Variants in SEMA5B observed in about 807,000 individuals in gnomAD.
The protein encoded by SEMA5B is semaphorin-5B.
SEMA5B carries 66 observed loss-of-function variants against 135.0 expected under a neutral mutation model. The ratio of observed to expected loss-of-function variants is 0.49; its 90% CI spans 0.40 to 0.60. SEMA5B has a LOEUF of 0.60. Among genes scored for constraint, SEMA5B ranks in the 20% least tolerant of loss-of-function variants. SEMA5B has a pLI of 0.00. For synonymous variants in SEMA5B, 690 were observed against 639.5 expected (o/e 1.08, Z -1.19); for missense variants, 1,501 against 1,566.3 (o/e 0.96, Z 0.70).
intron 1 of SEMA5B, among the ~76,000 whole-genome samples, chr3:122,983,155 C>T (rs1941578123): frequency 6.6e-6 from 1 of 152,152 alleles, no homozygotes; most frequent in African/African-American, 2.4e-5. Context: ...GGGCATGTGG[C>T]CAGTCAATTT....
At chr3:122,943,562 G>GT in intron 3 of SEMA5B, 27 bp from the exon 4 acceptor site, 1 of 1,520,630 alleles carries the variant, frequency 6.6e-7, no homozygotes, top group Non-Finnish European at 9.0e-7. Context: ...CAACCCTGTG[G>GT]TTACTGTTGG....
At chr3:122,994,795 A>G (rs1941986987) in intron 1 of SEMA5B, among the ~76,000 whole-genome samples, 1 of 152,212 alleles carries the variant, frequency 6.6e-6, no homozygotes, top group African/African-American at 2.4e-5. Flanking sequence ...GGGAATATTA[A>G]TATCTACTTC....
chr3:122,940,923 C>T (rs1939529699), intron 4 of SEMA5B, among the ~76,000 whole-genome samples: 1 of 152,212 alleles, frequency 6.6e-6, no homozygotes, highest in Non-Finnish European at 1.5e-5. Context: ...CATCTGCTCA[C>T]AGCTTTAACA....
Position 122,927,868 on chromosome 3 carries a change from G to C in SEMA5B, c.772C>G (p.Arg258Gly). Residue 258 changes from arginine (R) to glycine (G), a missense_variant, in exon 8 of 23, where the codon CGG (arginine) becomes GGG (glycine). Transcript: ENST00000357599. ...AGGCTGCGGTAGATGGCAGGGTCCCGACCTGAGAAGTCGATGACCGTGGCT... is the reference window on the plus strand; with the variant it reads ...AGGCTGCGGTAGATGGCAGGGTCCCCACCTGAGAAGTCGATGACCGTGGCT... ...YAATVIDFSG[R>G]DPAIYRSLGS... is the part of the protein sequence containing the mutation. 6.3e-7 allele frequency: 1 copy of C among 1,594,108 alleles called. No individual in the cohort carries two copies. Among genetic ancestry groups the C allele is most frequent in the Non-Finnish European group, 8.5e-7 (1 of 1,169,660 alleles).
chr3:122,945,602 C>T (rs1032032872), intron 3 of SEMA5B, among the ~76,000 whole-genome samples: 1 of 151,996 alleles, frequency 6.6e-6, no homozygotes, highest in Non-Finnish European at 1.5e-5. Flanking sequence ...CTTCCCTGTC[C>T]CTATGAGACT....
chr3:122,938,151 C>A (rs149859699), intron 5 of SEMA5B, among the ~76,000 whole-genome samples: 6 of 152,222 alleles, frequency 3.9e-5, no homozygotes, highest in Non-Finnish European at 8.8e-5. Context: ...ATATTCCTTG[C>A]GGCAAGGTAC....
At chr3:122,999,963 A>T (rs1942129944) in intron 1 of SEMA5B, among the ~76,000 whole-genome samples, 2 of 152,190 alleles carry the variant, frequency 1.3e-5, no homozygotes. Flanking sequence ...TAATCCCAGC[A>T]CTTTGGGAGG....
chr3:122,989,162 G>A (rs1941792235), intron 1 of SEMA5B, among the ~76,000 whole-genome samples: 1 of 152,200 alleles, frequency 6.6e-6, no homozygotes, highest in Admixed American at 6.5e-5. Flanking sequence ...CCTGCTCTGG[G>A]AGACTGGTCT....
rs1465885996 is a variant in SEMA5B, at chr3:122,962,467, G to A, written c.-38-1166C>T. Among the ~76,000 whole-genome samples the A allele has an allele frequency of 2.6e-5, 4 of 152,210 alleles. No individual in the cohort carries two copies. The East Asian group carries it at 7.7e-4, about 29-fold the overall frequency. On this transcript the variant is annotated intron_variant, in intron 1 of 22. Coordinates refer to ENST00000357599, the MANE Select transcript of SEMA5B (RefSeq NM_001031702.4). ...GACAGGCACAGGAAAGGAGAACAGG[G>A]TCTGTCCCGTGAGAAAGAGGACGGC...
intron 1 of SEMA5B, among the ~76,000 whole-genome samples, chr3:123,000,189 CAG>C (rs1217429343): frequency 6.6e-6 from 1 of 152,174 alleles, no homozygotes; most frequent in Non-Finnish European, 1.5e-5. Context: ...TCCTGGGCAA[CAG>C]AGTAAGACTC....
chr3:123,003,670 T>C (rs1030109595), intron 1 of SEMA5B, among the ~76,000 whole-genome samples: 1 of 151,910 alleles, frequency 6.6e-6, no homozygotes, highest in African/African-American at 2.4e-5. Context: ...CCATCTCTAC[T>C]AAAAATACAA....
At chr3:122,923,880 T>TCATA in intron 9 of SEMA5B, 128 bp from the exon 10 acceptor site, 2 of 689,048 alleles carry the variant, frequency 2.9e-6, no homozygotes, top group Non-Finnish European at 4.7e-6. Context: ...GTCTGGCACA[T>TCATA]GGGGGGATCT....
chr3:123,014,982 G>A (rs970366036), intron 1 of SEMA5B, among the ~76,000 whole-genome samples: 7 of 152,136 alleles, frequency 4.6e-5, no homozygotes, highest in African/African-American at 1.7e-4. Flanking sequence ...GGAAAAATTT[G>A]GTGACACACA....
intron 1 of SEMA5B, among the ~76,000 whole-genome samples, chr3:122,970,853 G>T (rs1207800376): frequency 1.3e-5 from 2 of 152,182 alleles, no homozygotes; most frequent in South Asian, 2.1e-4. Context: ...TCATCAAACT[G>T]CCCAGAGAAA....
rs138716724 is a variant in SEMA5B, at chr3:122,958,819, A to T, written c.124+2321T>A. Among the ~76,000 whole-genome samples, 11 of 152,064 alleles carry T rather than the reference A, an allele frequency of 7.2e-5. No homozygotes were observed. In the East Asian group the frequency reaches 2.1e-3, roughly 30 times the overall value. On this transcript the variant is annotated intron_variant, in intron 2 of 22. Transcript: ENST00000357599. ...ACCCCCTTGCCCTCTCCCAGGGGCA[A>T]CTTCATCCCCTGCCTCTGCTTTCTG... is the stretch of plus-strand genomic sequence containing the variant.
At chr3:122,960,187 T>G (rs919694659) in intron 2 of SEMA5B, among the ~76,000 whole-genome samples, 2 of 152,212 alleles carry the variant, frequency 1.3e-5, no homozygotes, top group Non-Finnish European at 2.9e-5. Flanking sequence ...TTGCTCAGCA[T>G]AAATCTTTGT....
chr3:122,937,890 C>T (rs1042116879), intron 5 of SEMA5B, among the ~76,000 whole-genome samples: 1 of 152,234 alleles, frequency 6.6e-6, no homozygotes, highest in African/African-American at 2.4e-5. Flanking sequence ...GGTGGGACCC[C>T]TGGGTCCACT....
rs35009686 is a variant in SEMA5B, at chr3:123,019,283, A to T, written c.-39+8181T>A. Among the ~76,000 whole-genome samples, 449 of 152,270 alleles carry T rather than the reference A, an allele frequency of 2.9e-3. 3 individuals are homozygous for T. Among genetic ancestry groups the T allele is most frequent in the African/African-American group, 0.01 (429 of 41,554 alleles). On this transcript the variant is annotated intron_variant, in intron 1 of 22. Coordinates refer to ENST00000357599, the MANE Select transcript of SEMA5B (RefSeq NM_001031702.4). ...TATTTCTCAAGGTTTCAGTTTCCTC[A>T]TGAGGAAAGTGGAGATAAAAATAAT...
In SEMA5B at chr3:122,948,627, C is replaced by T. The variant is rs1468297314; in HGVS notation, c.207G>A (p.Leu69=). ...CCAGCAGTGTGAGGCTGGGCAGCAA[C>T]AGCGAGACAGCCAGGGGGCCTGCAA... ...MVLAGPLAVS[L]LLPSLTLLVS... is the part of the protein sequence containing the mutation. The change falls in exon 3 of 23, where the codon CTG becomes CTA. Residue 69 remains leucine (L), a synonymous_variant. Coordinates refer to ENST00000357599, the MANE Select transcript of SEMA5B (RefSeq NM_001031702.4). 1 of 1,613,914 alleles carries T rather than the reference C, an allele frequency of 6.2e-7. No individual in the cohort carries two copies. Among genetic ancestry groups the T allele is most frequent in the South Asian group, 1.1e-5 (1 of 91,030 alleles).
Sources: allele counts gnomAD v4.1 joint callset (sites outside exome capture counted in the v4.1 genomes callset), GRCh38; gene constraint gnomAD v4.1.1; transcripts MANE v1.5; gene names NCBI Gene and HGNC (gene_info 2026-07-23, HGNC 2026-07-21).